Variants in PLA2G6 observed in about 807,000 individuals in gnomAD.
PLA2G6 encodes the protein phospholipase A2 group VI, also known as 85/88 kDa calcium-independent phospholipase A2.
Under a neutral mutation model 83.8 loss-of-function variants are expected in PLA2G6, and 62 were observed. The ratio of observed to expected loss-of-function variants is 0.74; its 90% CI spans 0.60 to 0.91. PLA2G6 has a LOEUF of 0.91. Among genes scored for constraint, PLA2G6 ranks in the 40% least tolerant of loss-of-function variants. The pLI, the probability that PLA2G6 is intolerant of heterozygous loss-of-function variation, is 0.00. For synonymous variants in PLA2G6, 417 were observed against 449.8 expected (o/e 0.93, Z 0.92); for missense variants, 944 against 1,102.0 (o/e 0.86, Z 2.03).
intron 2 of PLA2G6, chr22:38,167,818 G>T: frequency 6.1e-6 from 1 of 164,342 alleles, no homozygotes. Context: ...CTGGCCCCCA[G>T]CCTGACACTT....
chr22:38,132,609 G>T lies in PLA2G6; in HGVS notation c.1077+222C>A. 4 of 590,310 alleles carry T rather than the reference G, an allele frequency of 6.8e-6. No individual in the cohort carries two copies. The highest frequency in any genetic ancestry group is 1.2e-5 in the Non-Finnish European group (4 of 330,640). 36.6% of individuals were successfully genotyped at this position (590,310 alleles called of 1,614,324 possible). On this transcript the variant is annotated intron_variant, in intron 7 of 16. Coordinates refer to ENST00000332509, the MANE Select transcript of PLA2G6 (RefSeq NM_003560.4). This position sits in a 1 kb window ranked among gnomAD's most constrained non-coding sequence, Gnocchi z 5.0. ...GCCAAATGGGGGCACAGGTGGAAAAGGTACCACAGCACACAGGAGGTGGTG... is the reference window on the plus strand; with the variant it reads ...GCCAAATGGGGGCACAGGTGGAAAATGTACCACAGCACACAGGAGGTGGTG...
chr22:38,153,250 G>A (rs909715824), intron 2 of PLA2G6, among the ~76,000 whole-genome samples: 11 of 152,252 alleles, frequency 7.2e-5, no homozygotes, highest in South Asian at 2.1e-4. Context: ...TGGCCAACAC[G>A]GAGAATCCCC....
intron 5 of PLA2G6, chr22:38,137,857 AG>A (rs2088650286): frequency 1.3e-5 from 2 of 152,412 alleles, no homozygotes; most frequent in Admixed American, 1.3e-4. Context: ...AGAAAAGAAA[AG>A]AAAAAGAAAA....
intron 6 of PLA2G6, chr22:38,133,277 C>G (rs890786441): frequency 8.9e-6 from 5 of 561,656 alleles, no homozygotes; most frequent in African/African-American, 5.6e-5. Flanking sequence ...CTAGTGCCAA[C>G]AGAACCCACT....
At chr22:38,173,372 G>GGAGT (rs2090510098) in intron 1 of PLA2G6, among the ~76,000 whole-genome samples, 2 of 151,862 alleles carry the variant, frequency 1.3e-5, no homozygotes, top group African/African-American at 4.8e-5. Context: ...CAGGTCACCT[G>GGAGT]ACACAGACCG....
intron 1 of PLA2G6, among the ~76,000 whole-genome samples, chr22:38,170,803 A>AC (rs1229320619): frequency 1.3e-5 from 2 of 152,136 alleles, no homozygotes; most frequent in African/African-American, 4.8e-5. Flanking sequence ...CACAGGATCA[A>AC]CCCTGGGGAC....
intron 2 of PLA2G6, among the ~76,000 whole-genome samples, chr22:38,160,507 G>GT (rs1489926921): frequency 6.6e-6 from 1 of 152,118 alleles, no homozygotes; most frequent in African/African-American, 2.4e-5. Context: ...CACACAAAAC[G>GT]TATCAATCTC....
In PLA2G6 at chr22:38,135,034, T is replaced by C. The variant is rs746405809; in HGVS notation, c.848A>G (p.Asp283Gly). Residue 283 changes from aspartate (D) to glycine (G), a missense_variant, in exon 6 of 17, where the codon GAC (aspartate) becomes GGC (glycine). Physicochemically the swap from Asp to Gly is moderately conservative, Grantham distance 94 (BLOSUM62 -1). Transcript: ENST00000332509. The stretch of plus-strand genomic sequence containing the variant: ...GAGGGGGCTGGCTCCGTAACGGGGG[T>C]CTTTGCTGTGGATCTGGCTGCTGTC... The part of the protein sequence containing the change: ...SMDSSQIHSK[D>G]PRYGASPLHW... The C allele has an allele frequency of 1.1e-5, 15 of 1,397,508 alleles. No homozygotes were observed. The highest frequency in any genetic ancestry group is 1.2e-5 in the Non-Finnish European group (13 of 1,049,064). 86.6% of individuals were successfully genotyped at this position (1,397,508 alleles called of 1,614,324 possible).
chr22:38,166,191 T>C (rs1241849168), intron 2 of PLA2G6, among the ~76,000 whole-genome samples: 1 of 152,226 alleles, frequency 6.6e-6, no homozygotes, highest in Non-Finnish European at 1.5e-5. Flanking sequence ...GACCGGGTTC[T>C]GGCCAATGCG....
intron 1 of PLA2G6, among the ~76,000 whole-genome samples, chr22:38,172,904 C>T (rs147494860): frequency 1.5e-4 from 23 of 152,352 alleles, no homozygotes; most frequent in East Asian, 5.8e-4. Context: ...GCCACAGAAA[C>T]GACAGGCTTG....
chr22:38,164,944 T>G (rs969713859), intron 2 of PLA2G6, among the ~76,000 whole-genome samples: 5 of 149,896 alleles, frequency 3.3e-5, no homozygotes, highest in Admixed American at 6.6e-5. Context: ...ACCCCAGGGC[T>G]CCAGCAGTGC....
chr22:38,151,613 C>G (rs1207566539), intron 2 of PLA2G6, among the ~76,000 whole-genome samples: 1 of 152,122 alleles, frequency 6.6e-6, no homozygotes, highest in Admixed American at 6.5e-5. Context: ...GAATGAAGCA[C>G]CATGGCAAGT....
chr22:38,134,344 G>A (rs981145657), intron 6 of PLA2G6: 3 of 152,322 alleles, frequency 2.0e-5, no homozygotes, highest in African/African-American at 4.8e-5. Flanking sequence ...GGCAGATCAC[G>A]AGGTCAGGAG....
At position 38,132,446 on chromosome 22, in the gene PLA2G6, A is replaced by T; in HGVS notation, c.1077+385T>A. 2.9e-6 allele frequency: 1 copy of T among 340,314 alleles called. No homozygotes were observed. Among genetic ancestry groups the T allele is most frequent in the South Asian group, 2.8e-5 (1 of 35,746 alleles). The allele number at this position is 340,314 out of a possible 1,614,324, so 21.1% of individuals were successfully genotyped here. The stretch of plus-strand genomic sequence containing the variant: ...AGAGGGTGACCAAGTGTCCACCATA[A>T]CTTTTCCACAACTCTTCCAGATAAG... On this transcript the variant is annotated intron_variant, in intron 7 of 16. Transcript: ENST00000332509. The surrounding 1 kb of genome is among the most constrained non-coding windows in gnomAD (Gnocchi z 5.0).
chr22:38,116,246 AC>A, intron 12 of PLA2G6, 35 bp from the exon 13 acceptor site: 9 of 1,612,404 alleles, frequency 5.6e-6, no homozygotes, highest in Non-Finnish European at 6.8e-6. Flanking sequence ...CGGCTGAGCC[AC>A]CCGCCCATCC....
At chr22:38,142,194 C>CAAAAAA (rs34164997) in intron 4 of PLA2G6, 2 of 45,556 alleles carry the variant, frequency 4.4e-5, no homozygotes, top group Non-Finnish European at 8.2e-5. Flanking sequence ...AACTCTGTCT[C>CAAAAAA]AAAAAAAAAA....
intron 14 of PLA2G6, chr22:38,113,944 T>G (rs2087033440): frequency 2.0e-6 from 1 of 509,406 alleles, no homozygotes; most frequent in Non-Finnish European, 3.8e-6. Context: ...CATCTGATGC[T>G]GGCCCAAGTC....
intron 9 of PLA2G6, chr22:38,126,953 G>T: frequency 9.8e-7 from 1 of 1,017,828 alleles, no homozygotes; most frequent in Non-Finnish European, 1.2e-6. Flanking sequence ...ATGGATGAAA[G>T]GAGACATCCC....
At chr22:38,148,552 G>A (rs2089394165) in intron 2 of PLA2G6, 1 of 717,314 alleles carries the variant, frequency 1.4e-6, no homozygotes, top group Non-Finnish European at 2.6e-6. Context: ...TGTTACTGGA[G>A]AGGATGGGCA....
Sources: allele counts gnomAD v4.1 joint callset (sites outside exome capture counted in the v4.1 genomes callset), GRCh38; gene constraint gnomAD v4.1.1; non-coding constraint Gnocchi (gnomAD v3.1); transcripts MANE v1.5; gene names NCBI Gene and HGNC (gene_info 2026-07-23, HGNC 2026-07-21).